Variants in KREMEN2 observed in about 807,000 individuals in gnomAD.
KREMEN2 encodes kremen protein 2.
In KREMEN2, 43 loss-of-function variants were observed where a neutral mutation model predicts 49.8. That is an observed-to-expected ratio of 0.86 (90% confidence interval 0.68 to 1.11). The LOEUF (loss-of-function observed/expected upper bound fraction) is 1.11. Among genes scored for constraint, KREMEN2 ranks in the 50% most tolerant of loss-of-function variants. KREMEN2 has a pLI of 0.00. For missense variants in KREMEN2, 686 were observed against 665.7 expected, an observed-to-expected ratio of 1.03 and a Z score of -0.34; for synonymous variants, 355 against 304.9, an observed-to-expected ratio of 1.16 and a Z score of -1.71.
Position 2,968,301 on chromosome 16 carries a change from C to G in KREMEN2, c.*281C>G, listed in dbSNP as rs1213491107. 4 of 1,458,318 alleles carry G rather than the reference C, an allele frequency of 2.7e-6. No homozygotes were observed. Among genetic ancestry groups the G allele is most frequent in the South Asian group, 2.4e-5 (2 of 82,316 alleles). 90.3% of individuals were successfully genotyped at this position (1,458,318 alleles called of 1,614,324 possible). ...CCCTCTGGGGGTGGTCCTGGACTGC[C>G]GTCCTCAGTGAGAGGTCACAGGTCA... On this transcript the variant is annotated 3_prime_UTR_variant, in exon 9 of 9. Transcript: ENST00000303746.
Position 2,968,234 on chromosome 16 carries a change from C to T in KREMEN2, c.*214C>T. The T allele has an allele frequency of 1.1e-6, 1 of 928,390 alleles. No individual in the cohort carries two copies. Among genetic ancestry groups the T allele is most frequent in the South Asian group, 1.5e-5 (1 of 65,596 alleles). The allele number at this position is 928,390 out of a possible 1,614,324, so 57.5% of individuals were successfully genotyped here. On this transcript the variant is annotated 3_prime_UTR_variant, in exon 9 of 9. Coordinates refer to ENST00000303746, the MANE Select transcript of KREMEN2 (RefSeq NM_172229.3). ...AGATGGTCCAGGCCCTCTCCATGGACCTGTATGTGGGGGTGGTCTCTGGTT... is the reference window on the plus strand; with the variant it reads ...AGATGGTCCAGGCCCTCTCCATGGATCTGTATGTGGGGGTGGTCTCTGGTT...
chr16:2,968,085 C>A lies in KREMEN2; in HGVS notation c.*65C>A. 1.4e-6 allele frequency: 2 copies of A among 1,459,520 alleles called. No individual in the cohort carries two copies. Among genetic ancestry groups the A allele is most frequent in the Admixed American group, 2.0e-5 (1 of 50,890 alleles). 90.4% of individuals were successfully genotyped at this position (1,459,520 alleles called of 1,614,324 possible). A position where few individuals can be genotyped will look rare whatever the true frequency, so the allele number is the denominator to read the frequency against. On this transcript the variant is annotated 3_prime_UTR_variant, in exon 9 of 9. Transcript: ENST00000303746. ...GATGGACACCTGAGATGCTGTGCTG[C>A]GCCCTGCCTCGGCCTTGCGCCTGTG...
Position 2,964,841 on chromosome 16 carries a change from C to T in KREMEN2, c.95-18C>T. On this transcript the variant is annotated intron_variant, in intron 1 of 8. Coordinates refer to ENST00000303746, the MANE Select transcript of KREMEN2 (RefSeq NM_172229.3). ...GGCGTGGGTCCGGACCTCCCCAGGC[C>T]CTGCCTTTGCCGTGCAGGCCTGTCC... 1 of 1,609,454 alleles carries T rather than the reference C, an allele frequency of 6.2e-7. No individual in the cohort carries two copies. Among genetic ancestry groups the T allele is most frequent in the East Asian group, 2.2e-5 (1 of 44,534 alleles).
At position 2,967,938 on chromosome 16, in the gene KREMEN2, A is replaced by T. The variant is rs1316397434; in HGVS notation, c.1307A>T (p.Gln436Leu). 2 of 1,584,406 alleles carry T rather than the reference A, an allele frequency of 1.3e-6. No individual in the cohort carries two copies. The highest frequency in any genetic ancestry group is 8.6e-7 in the Non-Finnish European group (1 of 1,167,602). ...TTGCCCTGCTCCCCCGGGGACCCCCAGGCTGAGGGTTCTGCCGCGGGCTAC... is the reference window on the plus strand; with the variant it reads ...TTGCCCTGCTCCCCCGGGGACCCCCTGGCTGAGGGTTCTGCCGCGGGCTAC... ...VALPCSPGDP[Q>L]AEGSAAGYRP... Residue 436 changes from glutamine (Q) to leucine (L), a missense_variant, in exon 9 of 9, where the codon CAG becomes CTG. Transcript: ENST00000303746.
At position 2,964,951 on chromosome 16, in the gene KREMEN2, T is replaced by C; in HGVS notation, c.187T>C (p.Trp63Arg). The change falls in exon 2 of 9, where the codon TGG becomes CGG. Residue 63 changes from tryptophan to arginine, a missense_variant. Transcript: ENST00000303746. ...PRGAGRPCLF[W>R]DQTQQHSYSS... Reference sequence around the variant, plus strand: ...CGGGGCGGGCCGCCCGTGCCTCTTCTGGGACCAGACGCAGCAACACAGCTA... The same window carrying C: ...CGGGGCGGGCCGCCCGTGCCTCTTCCGGGACCAGACGCAGCAACACAGCTA... The C allele has an allele frequency of 1.3e-6, 2 of 1,591,298 alleles. No individual in the cohort carries two copies. The highest frequency in any genetic ancestry group is 1.7e-6 in the Non-Finnish European group (2 of 1,170,218).
At position 2,966,279 on chromosome 16, in the gene KREMEN2, G is replaced by A. The variant is rs1197935468; in HGVS notation, c.362-46G>A. 1.2e-6 allele frequency: 2 copies of A among 1,613,240 alleles called. No individual in the cohort carries two copies. The highest frequency in any genetic ancestry group is 1.3e-5 in the African/African-American group (1 of 75,026). Reference sequence around the variant, plus strand: ...GGTGGGAACGCTGCTGCATCTGGGAGGAGGGTTGTTTTCGGAGTCACGGAA... The same window carrying A: ...GGTGGGAACGCTGCTGCATCTGGGAAGAGGGTTGTTTTCGGAGTCACGGAA... On this transcript the variant is annotated intron_variant, in intron 3 of 8. Coordinates refer to ENST00000303746, the MANE Select transcript of KREMEN2 (RefSeq NM_172229.3). This position sits in a 1 kb window ranked among gnomAD's most constrained non-coding sequence, Gnocchi z 8.4.
rs2071858039 is a variant in KREMEN2 at position 2,967,587 on chromosome 16, G to A, written c.1161G>A (p.Leu387=). 2 of 1,527,542 alleles carry A rather than the reference G, an allele frequency of 1.3e-6. No individual in the cohort carries two copies. Among genetic ancestry groups the A allele is most frequent in the East Asian group, 4.9e-5 (2 of 40,816 alleles). The allele number at this position is 1,527,542 out of a possible 1,614,324, so 94.6% of individuals were successfully genotyped here. The change falls in exon 8 of 9, where the codon CTG becomes CTA. Residue 387 remains leucine (L), a synonymous_variant. Transcript: ENST00000303746. ...SVLLLLLLGL[L]RPLRRRSCLL... ...TGCTGCTGCTGCTCCTGGGGCTGCT[G>A]CGTCCGCTGCGCCGACGGTGCGGGG...
intron 8 of KREMEN2, 71 bp from the exon 9 acceptor site, chr16:2,967,739 C>T (rs780472627): frequency 1.9e-6 from 3 of 1,544,570 alleles, no homozygotes; most frequent in Non-Finnish European, 2.6e-6. Context: ...GGATCGCGCG[C>T]GGGATCGCAG....
chr16:2,965,814 A>C (rs892320678), intron 2 of KREMEN2, among the ~76,000 whole-genome samples: 1 of 150,996 alleles, frequency 6.6e-6, no homozygotes, highest in Non-Finnish European at 1.5e-5. Context: ...GAAGTGGCTG[A>C]GGCCCATGCC....
rs1421266534 is a variant in KREMEN2, at chr16:2,964,543, G to A, written c.23G>A (p.Gly8Asp). The change falls in exon 1 of 9, where the codon GGC (glycine) becomes GAC (aspartate). Residue 8 changes from glycine (G) to aspartate (D), a missense_variant. Transcript: ENST00000303746. The part of the protein sequence containing the change: MGTQALQ[G>D]FLFLLFLPLL... ...GCGATGGGGACACAAGCCCTGCAGG[G>A]CTTCCTCTTTCTCCTCTTCCTCCCG... The A allele has an allele frequency of 1.9e-6, 3 of 1,605,002 alleles. No individual in the cohort carries two copies. The highest frequency in any genetic ancestry group is 2.6e-6 in the Non-Finnish European group (3 of 1,175,914).
rs1475093832 is a variant in KREMEN2 at position 2,968,353 on chromosome 16, G to C, written c.*333G>C. 2 of 1,535,278 alleles carry C rather than the reference G, an allele frequency of 1.3e-6. No homozygotes were observed. Among genetic ancestry groups the C allele is most frequent in the African/African-American group, 2.7e-5 (2 of 73,060 alleles). On this transcript the variant is annotated 3_prime_UTR_variant, in exon 9 of 9. Coordinates refer to ENST00000303746, the MANE Select transcript of KREMEN2 (RefSeq NM_172229.3). ...CAAAAACAGTCAAAAAACCCCCACA[G>C]ATTTTGAATAAAGGATCTACTTTGG...
At position 2,964,994 on chromosome 16, in the gene KREMEN2, C is replaced by G; in HGVS notation, c.230C>G (p.Pro77Arg). Residue 77 changes from proline (P) to arginine (R), a missense_variant, in exon 2 of 9, where the codon CCC (proline) becomes CGC (arginine). Transcript: ENST00000303746. The stretch of plus-strand genomic sequence containing the variant: ...CACAGCTACAGCAGCGCCAGCGACC[C>G]CCACGGCCGCTGGGGGCTGGGCGCG... The part of the protein sequence containing the change: ...QQHSYSSASD[P>R]HGRWGLGAHN... 6.4e-7 allele frequency: 1 copy of G among 1,565,518 alleles called. No individual in the cohort carries two copies. The highest frequency in any genetic ancestry group is 8.6e-7 in the Non-Finnish European group (1 of 1,156,944).
In KREMEN2 at chr16:2,967,435, C is replaced by A. The variant is rs115715170; in HGVS notation, c.1089C>A (p.Ala363=). ...GCCCCAGGCCTGGGGCTCCGCCGGC[C>A]GCGATTGGGGGTGAGGCGGGCGCGC... ...SCSPRPGAPP[A]AIGARVFSTV... is the part of the protein sequence containing the mutation. The change falls in exon 7 of 9, where the codon GCC becomes GCA. Residue 363 remains alanine, a synonymous_variant. Transcript: ENST00000303746. 2.7e-3 allele frequency: 3,808 copies of A among 1,402,330 alleles called. 89 individuals are homozygous for A. In the African/African-American group the frequency reaches 0.048, roughly 18 times the overall value. 86.9% of individuals were successfully genotyped at this position (1,402,330 alleles called of 1,614,324 possible). A position where few individuals can be genotyped will look rare whatever the true frequency, so the allele number is the denominator to read the frequency against.
In KREMEN2 at chr16:2,966,863, C is replaced by T. The variant is rs1477941500; in HGVS notation, c.641-47C>T. On this transcript the variant is annotated intron_variant, in intron 5 of 8. Coordinates refer to ENST00000303746, the MANE Select transcript of KREMEN2 (RefSeq NM_172229.3). The surrounding 1 kb of genome is among the most constrained non-coding windows in gnomAD (Gnocchi z 8.4). ...GTGGGGCCTGGCCGGGCAGGGGAGC[C>T]GCCGTGTCCTGGTCCTCAGGATGCT... 6.4e-7 allele frequency: 1 copy of T among 1,568,964 alleles called. No individual in the cohort carries two copies. Among genetic ancestry groups the T allele is most frequent in the African/African-American group, 1.3e-5 (1 of 74,192 alleles).
Position 2,967,918 on chromosome 16 carries a change from C to A in KREMEN2, c.1287C>A (p.Pro429=), listed in dbSNP as rs994470655. 8 of 1,571,318 alleles carry A rather than the reference C, an allele frequency of 5.1e-6. No homozygotes were observed. Among genetic ancestry groups the A allele is most frequent in the Non-Finnish European group, 6.9e-6 (8 of 1,159,456 alleles). The change falls in exon 9 of 9, where the codon CCC becomes CCA. Residue 429 remains proline, a synonymous_variant. Coordinates refer to ENST00000303746, the MANE Select transcript of KREMEN2 (RefSeq NM_172229.3). ...WYQQPRGVAL[P]CSPGDPQAEG... ...AACAGCCCCGAGGGGTGGCCTTGCC[C>A]TGCTCCCCCGGGGACCCCCAGGCTG...
In KREMEN2 at chr16:2,968,012, GCT is replaced by G. The variant is rs771223154; in HGVS notation, c.1386_1387del (p.Ter463ThrfsTer59). 1.7e-5 allele frequency: 26 copies of G among 1,558,352 alleles called. No homozygotes were observed. The highest frequency in any genetic ancestry group is 2.2e-5 in the Non-Finnish European group (25 of 1,158,618). ...GAGCTCCCTGCGCTCGCTCATCTCCGCTCTCTGACTCTGGGCCCCGAGGGTCC... is the reference window on the plus strand; with the variant it reads ...GAGCTCCCTGCGCTCGCTCATCTCCGCTCTGACTCTGGGCCCCGAGGGTCC... The part of the protein sequence containing the change: ...SQSSLRSLIS[A>X]L On this transcript the variant is annotated frameshift_variant, in exon 9 of 9. Transcript: ENST00000303746. LOFTEE classifies it high-confidence loss of function.
intron 1 of KREMEN2, 91 bp from the exon 2 acceptor site, chr16:2,964,768 C>T: frequency 1.3e-6 from 2 of 1,495,440 alleles, no homozygotes; most frequent in Non-Finnish European, 1.8e-6. Context: ...TGCGGGGTCG[C>T]TGGCTGGGGA....
Position 2,964,910 on chromosome 16 carries a change from A to G in KREMEN2, c.146A>G (p.Asn49Ser), listed in dbSNP as rs1309497135. The G allele has an allele frequency of 6.2e-7, 1 of 1,608,974 alleles. No individual in the cohort carries two copies. Among genetic ancestry groups the G allele is most frequent in the Non-Finnish European group, 8.5e-7 (1 of 1,178,284 alleles). The change falls in exon 2 of 9, where the codon AAC (asparagine) becomes AGC (serine). Residue 49 changes from asparagine to serine, a missense_variant. By Grantham distance (46) the Asn-to-Ser change is conservative. Transcript: ENST00000303746. Reference sequence around the variant, plus strand: ...GGGGCTGACTACCGCGGCCACCAGAACCGCACTGGCCCGCGCGGGGCGGGC... The same window carrying G: ...GGGGCTGACTACCGCGGCCACCAGAGCCGCACTGGCCCGCGCGGGGCGGGC... Reference protein sequence around the residue: ...VNGADYRGHQNRTGPRGAGRP... With the variant: ...VNGADYRGHQSRTGPRGAGRP...
rs1056193910 is a variant in KREMEN2 at position 2,967,593 on chromosome 16, G to A, written c.1167G>A (p.Pro389=). The change falls in exon 8 of 9, where the codon CCG becomes CCA. Residue 389 remains proline (P), a synonymous_variant. Coordinates refer to ENST00000303746, the MANE Select transcript of KREMEN2 (RefSeq NM_172229.3). ...TGCTGCTCCTGGGGCTGCTGCGTCCGCTGCGCCGACGGTGCGGGGCGCTGG... is the reference window on the plus strand; with the variant it reads ...TGCTGCTCCTGGGGCTGCTGCGTCCACTGCGCCGACGGTGCGGGGCGCTGG... The part of the protein sequence containing the change: ...LLLLLLGLLR[P]LRRRSCLLAP... 3.5e-5 allele frequency: 53 copies of A among 1,526,540 alleles called. No homozygotes were observed. The highest frequency in any genetic ancestry group is 1.4e-4 in the African/African-American group (10 of 72,450). 94.6% of individuals were successfully genotyped at this position (1,526,540 alleles called of 1,614,324 possible). A position where few individuals can be genotyped will look rare whatever the true frequency, so the allele number is the denominator to read the frequency against.
Sources: allele counts gnomAD v4.1 joint callset (sites outside exome capture counted in the v4.1 genomes callset), GRCh38; gene constraint gnomAD v4.1.1; non-coding constraint Gnocchi (gnomAD v3.1); transcripts MANE v1.5; gene names NCBI Gene and HGNC (gene_info 2026-07-23, HGNC 2026-07-21).